DHX15: variants seen among roughly 807,000 people sequenced by gnomAD.
The protein encoded by DHX15 is ATP-dependent RNA helicase DHX15.
In DHX15, 11 loss-of-function variants were observed where a neutral mutation model predicts 94.4. That is an observed-to-expected ratio of 0.12 (90% CI 0.07 to 0.19). DHX15 has a LOEUF of 0.19. DHX15 is among the 10% of genes least tolerant of loss of function. The pLI, the probability that DHX15 is intolerant of heterozygous loss-of-function variation, is 1.00. For synonymous variants in DHX15, 338 were observed against 329.9 expected (o/e 1.02, Z -0.27); for missense variants, 304 against 988.5 (o/e 0.31, Z 9.29).
intron 3 of DHX15, among the ~76,000 whole-genome samples, chr4:24,565,082 A>C (rs986271970): frequency 6.6e-6 from 1 of 152,226 alleles, no homozygotes; most frequent in Non-Finnish European, 1.5e-5. Flanking sequence ...AATTTTCACA[A>C]GTTTTAAAGG....
intron 5 of DHX15, among the ~76,000 whole-genome samples, chr4:24,554,205 A>G (rs1014364106): frequency 6.6e-6 from 1 of 152,182 alleles, no homozygotes; most frequent in Non-Finnish European, 1.5e-5. Flanking sequence ...GCGACAGCGC[A>G]AGACTCCGTC....
rs574455351 is a variant in DHX15, at chr4:24,570,581, G to C, written c.701+73C>G. Reference sequence around the variant, plus strand: ...ATTTGGATGACATAAGCCTGCACTAGCAAAGTCTTCTATCTAATAGCAGAA... The same window carrying C: ...ATTTGGATGACATAAGCCTGCACTACCAAAGTCTTCTATCTAATAGCAGAA... On this transcript the variant is annotated intron_variant, in intron 3 of 13. Transcript: ENST00000336812. 2.5e-4 allele frequency: 352 copies of C among 1,430,642 alleles called. 2 individuals are homozygous for C. The South Asian group carries it at 4.0e-3, about 16-fold the overall frequency. 88.6% of individuals were successfully genotyped at this position (1,430,642 alleles called of 1,614,324 possible).
Position 24,542,935 on chromosome 4 carries a change from T to C in DHX15, c.1335+5A>G, listed in dbSNP as rs746592647. 6.2e-6 allele frequency: 10 copies of C among 1,608,830 alleles called. No homozygotes were observed. Among genetic ancestry groups the C allele is most frequent in the African/African-American group, 5.3e-5 (4 of 74,806 alleles). ...TAATTTATAAAGTATCCACTAAATA[T>C]GTACCTTCTGTTTCGCAAATCCAGG... On this transcript the variant is annotated splice_donor_5th_base_variant and intron_variant, in intron 7 of 13. Transcript: ENST00000336812.
intron 3 of DHX15, among the ~76,000 whole-genome samples, chr4:24,570,371 A>G (rs554083820): frequency 7.2e-5 from 11 of 152,158 alleles, no homozygotes; most frequent in Non-Finnish European, 1.6e-4. Context: ...GTCATACACC[A>G]TTGTGTCTAC....
intron 1 of DHX15, 182 bp downstream of exon 1, chr4:24,584,141 C>A: frequency 4.7e-6 from 3 of 631,880 alleles, no homozygotes; most frequent in Admixed American, 3.0e-5. Flanking sequence ...CACGCAACCC[C>A]CCGCGCCCTT....
intron 2 of DHX15, among the ~76,000 whole-genome samples, chr4:24,574,230 T>TAAAAAAAAAAA (rs1413770864): frequency 1.2e-5 from 1 of 81,862 alleles, no homozygotes; most frequent in Non-Finnish European, 2.7e-5. Flanking sequence ...AAAAAAAAAG[T>TAAAAAAAAAAA]TAAAGTCATT....
intron 1 of DHX15, among the ~76,000 whole-genome samples, chr4:24,578,159 CAG>C (rs1722317549): frequency 6.6e-6 from 1 of 152,088 alleles, no homozygotes; most frequent in South Asian, 2.1e-4. Flanking sequence ...CTGGCATAAA[CAG>C]AAAGAAAATC....
In DHX15 at chr4:24,547,893, GTA is replaced by G. The variant is rs1403248233; in HGVS notation, c.1248+960_1248+961del. Among the ~76,000 whole-genome samples the G allele has an allele frequency of 5.8e-4, 39 of 66,746 alleles. 2 individuals are homozygous for G. Among genetic ancestry groups the G allele is most frequent in the African/African-American group, 1.9e-3 (35 of 18,482 alleles). 43.8% of individuals were successfully genotyped at this position (66,746 alleles called of 152,430 possible). A position where few individuals can be genotyped will look rare whatever the true frequency, so the allele number is the denominator to read the frequency against. On this transcript the variant is annotated intron_variant, in intron 6 of 13. Transcript: ENST00000336812. ...TCTCTCTCTCTCTCTCTCTCTCTAT[GTA>G]TGTATGTGTATATATATATATATAT... is the stretch of plus-strand genomic sequence containing the variant.
At chr4:24,572,383 G>A (rs911510886) in intron 2 of DHX15, among the ~76,000 whole-genome samples, 2 of 152,126 alleles carry the variant, frequency 1.3e-5, no homozygotes, top group Admixed American at 6.5e-5. Flanking sequence ...TGATGCACCC[G>A]CCTCAGCCTT....
intron 6 of DHX15, among the ~76,000 whole-genome samples, chr4:24,544,812 C>T (rs114936280): frequency 0.021 from 3,145 of 152,218 alleles, 65 homozygotes; most frequent in Admixed American, 0.028. Context: ...TGGAAATGCT[C>T]TATAAACTAT....
intron 3 of DHX15, among the ~76,000 whole-genome samples, chr4:24,559,628 T>A (rs1721818950): frequency 6.6e-6 from 1 of 152,112 alleles, no homozygotes; most frequent in Admixed American, 6.6e-5. Flanking sequence ...AAGTTTGAAG[T>A]TTCAATGATG....
intron 1 of DHX15, among the ~76,000 whole-genome samples, chr4:24,583,077 A>G (rs748456132): frequency 3.0e-4 from 46 of 152,244 alleles, no homozygotes; most frequent in Middle Eastern, 3.2e-3. Flanking sequence ...GAAGAACTTT[A>G]GCTGAAAAAT....
intron 13 of DHX15, among the ~76,000 whole-genome samples, chr4:24,528,466 C>G (rs1019096088): frequency 6.6e-6 from 1 of 152,104 alleles, no homozygotes. Flanking sequence ...ACTCTATACC[C>G]CCAAAATACA....
intron 9 of DHX15, among the ~76,000 whole-genome samples, 181 bp downstream of exon 9, chr4:24,540,658 AT>A (rs1392757233): frequency 1.3e-4 from 19 of 149,152 alleles, no homozygotes; most frequent in Non-Finnish European, 2.2e-4. Flanking sequence ...AAAAAAAAAA[AT>A]GTGCTCATAT....
At chr4:24,546,765 G>C (rs559560116) in intron 6 of DHX15, among the ~76,000 whole-genome samples, 42 of 152,186 alleles carry the variant, frequency 2.8e-4, no homozygotes, top group African/African-American at 9.9e-4. Flanking sequence ...TTATAAAAGG[G>C]ACTCAAATAT....
intron 3 of DHX15, among the ~76,000 whole-genome samples, chr4:24,557,294 C>T (rs1249588324): frequency 1.3e-5 from 2 of 152,144 alleles, no homozygotes; most frequent in Non-Finnish European, 2.9e-5. Flanking sequence ...CACAGGATGC[C>T]TTTAGATGCT....
chr4:24,556,650 G>A (rs1197522946), intron 3 of DHX15, among the ~76,000 whole-genome samples: 2 of 152,106 alleles, frequency 1.3e-5, no homozygotes, highest in Non-Finnish European at 2.9e-5. Context: ...GAAATGTACT[G>A]GGAAGACATG....
intron 6 of DHX15, among the ~76,000 whole-genome samples, chr4:24,547,919 A>ATATC (rs1553949996): frequency 4.0e-5 from 1 of 25,226 alleles, no homozygotes; most frequent in Non-Finnish European, 7.1e-5. Flanking sequence ...ATATATATAT[A>ATATC]TATATATATA....
intron 2 of DHX15, among the ~76,000 whole-genome samples, chr4:24,575,045 T>C (rs1722224105): frequency 6.6e-6 from 1 of 151,762 alleles, no homozygotes; most frequent in Non-Finnish European, 1.5e-5. Context: ...TGATCCCAGC[T>C]ACTTGGGAGG....
Sources: gnomAD v4.1 joint callset for allele counts (sites outside exome capture counted in the v4.1 genomes callset) on GRCh38, gnomAD v4.1.1 for gene constraint, MANE v1.5 for transcripts, NCBI Gene and HGNC (gene_info 2026-07-23, HGNC 2026-07-21) for gene names.